TMCO5A: variants seen among roughly 807,000 people sequenced by gnomAD.
The protein encoded by TMCO5A is transmembrane and coiled-coil domains 5A.
Under a neutral mutation model 42.3 loss-of-function variants are expected in TMCO5A, and 34 were observed. The ratio of observed to expected loss-of-function variants is 0.80; its 90% confidence interval spans 0.61 to 1.07. The LOEUF (loss-of-function observed/expected upper bound fraction) is 1.07, where lower values mean the gene tolerates loss of function less well. Ranked by LOEUF, TMCO5A falls within the 50% of genes least tolerant of loss-of-function variation. TMCO5A has a pLI of 0.00. For missense variants in TMCO5A, 357 were observed against 327.9 expected (o/e 1.09, Z -0.69); for synonymous variants, 131 against 115.6 (o/e 1.13, Z -0.86).
chr15:38,035,094 T>C, the TMCO5A span, among the ~76,000 whole-genome samples: 2 of 152,142 alleles, frequency 1.3e-5, no homozygotes, highest in African/African-American at 4.8e-5. Context: ...GGATACATAG[T>C]GCATGATAGA....
rs190100295 is a variant in TMCO5A at position 37,962,096 on chromosome 15, T to C, written c.669-4529T>C. Among the ~76,000 whole-genome samples, 86 of 152,118 alleles carry C rather than the reference T, an allele frequency of 5.7e-4. 1 individual carries two copies. The highest frequency in any genetic ancestry group is 1.8e-3 in the African/African-American group (74 of 41,532). On this transcript the variant is annotated intron_variant, in intron 11 of 11. Transcript: ENST00000559502. ...CTATGTTGAAGAGGAGTAGTGAGAG[T>C]GGGCATCCTTCTCTTATTCCAGTTC...
the TMCO5A span, among the ~76,000 whole-genome samples, chr15:38,026,185 G>A: frequency 1.3e-5 from 2 of 152,318 alleles, no homozygotes; most frequent in Non-Finnish European, 2.9e-5. Context: ...GGGCTTAGAA[G>A]AAGAAAGGAA....
the TMCO5A span, among the ~76,000 whole-genome samples, chr15:38,014,960 A>AGGAGCAAG: frequency 1.3e-3 from 196 of 146,434 alleles, 5 homozygotes; most frequent in South Asian, 0.042. Flanking sequence ...CTGCAAGCTG[A>AGGAGCAAG]GGAGCAAGGA....
At chr15:38,027,596 C>A in the TMCO5A span, among the ~76,000 whole-genome samples, 2 of 152,026 alleles carry the variant, frequency 1.3e-5, no homozygotes, top group Non-Finnish European at 2.9e-5. Flanking sequence ...GTTGGAAGGG[C>A]ATGATTGTGT....
chr15:38,009,280 G>T, the TMCO5A span, among the ~76,000 whole-genome samples: 1 of 152,140 alleles, frequency 6.6e-6, no homozygotes, highest in South Asian at 2.1e-4. Context: ...ACTAATTATA[G>T]AGAAGTGCCT....
At chr15:37,986,380 GGT>G in the TMCO5A span, among the ~76,000 whole-genome samples, 15,515 of 139,020 alleles carry the variant, frequency 0.11, 889 homozygotes, top group Middle Eastern at 0.14. Flanking sequence ...GGTAAGGGAT[GGT>G]GTGTGTGTGT....
At chr15:38,013,860 C>A in the TMCO5A span, among the ~76,000 whole-genome samples, 1 of 152,196 alleles carries the variant, frequency 6.6e-6, no homozygotes, top group Non-Finnish European at 1.5e-5. Context: ...GGTCAGAAAT[C>A]AAAAATGGGT....
At chr15:37,961,176 C>T (rs1289525957) in intron 11 of TMCO5A, among the ~76,000 whole-genome samples, 3 of 152,166 alleles carry the variant, frequency 2.0e-5, no homozygotes, top group South Asian at 4.1e-4. Context: ...AGTTTCAGGT[C>T]TTAGATTTAA....
the TMCO5A span, among the ~76,000 whole-genome samples, chr15:37,998,474 G>A: frequency 1.3e-5 from 2 of 152,192 alleles, no homozygotes; most frequent in African/African-American, 2.4e-5. Flanking sequence ...CCCTCTGTGT[G>A]TTCTTGGCAC....
downstream of TMCO5A, among the ~76,000 whole-genome samples, chr15:37,968,476 C>T (rs1446694181): frequency 1.3e-5 from 2 of 152,048 alleles, no homozygotes; most frequent in Non-Finnish European, 2.9e-5. Context: ...AAACAGTTCA[C>T]TAAAAGCCAG....
the TMCO5A span, among the ~76,000 whole-genome samples, chr15:38,015,645 A>AG: frequency 1.1e-4 from 17 of 152,232 alleles, no homozygotes; most frequent in Admixed American, 1.0e-3. Context: ...AAAGCTTGGA[A>AG]GCAACCAAGA....
intron 11 of TMCO5A, chr15:37,966,517 A>G (rs1284673547): frequency 1.4e-6 from 1 of 698,814 alleles, no homozygotes; most frequent in Non-Finnish European, 2.6e-6. Flanking sequence ...CTATGTACCC[A>G]CAAAATTTTT....
At chr15:37,964,322 G>A (rs939066759) in intron 11 of TMCO5A, among the ~76,000 whole-genome samples, 2 of 152,130 alleles carry the variant, frequency 1.3e-5, no homozygotes, top group African/African-American at 4.8e-5. Flanking sequence ...GGTACCAGGG[G>A]TTGTCTGCAC....
intron 11 of TMCO5A, among the ~76,000 whole-genome samples, chr15:37,961,698 T>G (rs1890432464): frequency 6.6e-6 from 1 of 152,174 alleles, no homozygotes; most frequent in Non-Finnish European, 1.5e-5. Flanking sequence ...GTTTGTCATC[T>G]ATGATTTCTT....
At chr15:38,020,509 G>A in the TMCO5A span, 1 of 152,154 alleles carries the variant, frequency 6.6e-6, no homozygotes, top group African/African-American at 2.4e-5. Context: ...GAAGCACTTG[G>A]TACCACCCAA....
At chr15:38,036,496 T>A in the TMCO5A span, among the ~76,000 whole-genome samples, 7,629 of 63,396 alleles carry the variant, frequency 0.12, 206 homozygotes, top group Non-Finnish European at 0.21. Flanking sequence ...TCTCTCTCTC[T>A]CACACACACA....
downstream of TMCO5A, among the ~76,000 whole-genome samples, chr15:37,953,096 C>T (rs949568270): frequency 1.3e-5 from 2 of 152,148 alleles, no homozygotes; most frequent in Admixed American, 6.5e-5. Flanking sequence ...TAGACCCTGG[C>T]CCCTGAAAGC....
chr15:37,969,101 A>T (rs79444180), downstream of TMCO5A, among the ~76,000 whole-genome samples: 1 of 152,326 alleles, frequency 6.6e-6, no homozygotes, highest in Non-Finnish European at 1.5e-5. Context: ...TATAACAGAA[A>T]CATAGAAGGA....
the TMCO5A span, among the ~76,000 whole-genome samples, chr15:38,012,240 C>T: frequency 6.6e-6 from 1 of 152,162 alleles, no homozygotes; most frequent in South Asian, 2.1e-4. Context: ...TCTTTTCTTG[C>T]TCTCAATGGT....
Sources: allele counts gnomAD v4.1 joint callset (sites outside exome capture counted in the v4.1 genomes callset), GRCh38; gene constraint gnomAD v4.1.1; transcripts MANE v1.5; gene names NCBI Gene and HGNC (gene_info 2026-07-23, HGNC 2026-07-21).